ATE1: variants seen among roughly 807,000 people sequenced by gnomAD.
ATE1 encodes arginyl-tRNA--protein transferase 1.
A neutral mutation model predicts 70.5 loss-of-function variants in ATE1; 36 were observed. The observed-to-expected ratio is 0.51, with a 90% confidence interval of 0.39 to 0.67. The LOEUF is 0.67. Among genes scored for constraint, ATE1 ranks in the 30% least tolerant of loss-of-function variants. The pLI is 0.00. For missense variants in ATE1, 593 were observed against 629.5 expected (o/e 0.94, Z 0.62); for synonymous variants, 232 against 219.3 (o/e 1.06, Z -0.51).
chr10:121,892,579 T>C, intron 7 of ATE1, among the ~76,000 whole-genome samples: 1 of 150,236 alleles, frequency 6.7e-6, no homozygotes, highest in Non-Finnish European at 1.5e-5. Flanking sequence ...CCATCTCGGC[T>C]CACTGCAACC....
chr10:121,890,153 A>G (rs1416667831), intron 7 of ATE1, among the ~76,000 whole-genome samples: 4 of 152,240 alleles, frequency 2.6e-5, no homozygotes, highest in Non-Finnish European at 4.4e-5. Context: ...AAAGAAGTCA[A>G]TATTACAGAA....
intron 11 of ATE1, among the ~76,000 whole-genome samples, chr10:121,787,605 T>C (rs1452641351): frequency 6.6e-6 from 1 of 152,234 alleles, no homozygotes; most frequent in East Asian, 1.9e-4. Flanking sequence ...GAAATTTACT[T>C]CTTTCTAAAT....
upstream of ATE1, chr10:121,928,148 C>G: frequency 7.9e-7 from 1 of 1,267,856 alleles, no homozygotes; most frequent in Non-Finnish European, 9.9e-7. Context: ...CAGCTTTCCA[C>G]TATTTCCGTT....
chr10:121,824,495 C>T (rs1947928237), intron 10 of ATE1, among the ~76,000 whole-genome samples: 1 of 152,112 alleles, frequency 6.6e-6, no homozygotes, highest in Non-Finnish European at 1.5e-5. Flanking sequence ...AATAGTAAGG[C>T]CAAGCACCTA....
chr10:121,871,606 C>T (rs1017604446), intron 7 of ATE1, among the ~76,000 whole-genome samples: 1 of 152,028 alleles, frequency 6.6e-6, no homozygotes, highest in Non-Finnish European at 1.5e-5. Flanking sequence ...ATCACATACT[C>T]CCACCAAAAA....
chr10:121,873,293 T>A (rs1030145603), intron 7 of ATE1, among the ~76,000 whole-genome samples: 3 of 152,108 alleles, frequency 2.0e-5, no homozygotes, highest in Non-Finnish European at 4.4e-5. Flanking sequence ...AATCCAGGCA[T>A]AAAAGGCATC....
chr10:121,817,712 A>C (rs951478476), intron 10 of ATE1, among the ~76,000 whole-genome samples: 1 of 152,148 alleles, frequency 6.6e-6, no homozygotes, highest in Non-Finnish European at 1.5e-5. Flanking sequence ...ACCTGAGATG[A>C]ATCTTGTAAG....
At chr10:121,860,503 G>T (rs974513178) in intron 8 of ATE1, among the ~76,000 whole-genome samples, 2 of 152,164 alleles carry the variant, frequency 1.3e-5, no homozygotes, top group South Asian at 2.1e-4. Context: ...ATGTTTCCAT[G>T]AAAGCAAAAA....
intron 10 of ATE1, among the ~76,000 whole-genome samples, chr10:121,819,392 C>T (rs12263310): frequency 6.6e-6 from 1 of 152,084 alleles, no homozygotes; most frequent in Non-Finnish European, 1.5e-5. Flanking sequence ...TATACATGGG[C>T]TCATAAAAAC....
chr10:121,775,473 T>TA (rs1185476318), intron 11 of ATE1, among the ~76,000 whole-genome samples: 1 of 151,860 alleles, frequency 6.6e-6, no homozygotes, highest in Non-Finnish European at 1.5e-5. Context: ...AACTTAAAGT[T>TA]AAAAAACAAC....
chr10:121,852,835 T>A (rs1457537859), intron 8 of ATE1, among the ~76,000 whole-genome samples: 1 of 152,046 alleles, frequency 6.6e-6, no homozygotes, highest in Non-Finnish European at 1.5e-5. Context: ...AATGAAAAAG[T>A]AATAAATTTG....
chr10:121,804,604 T>C (rs961625402), intron 10 of ATE1, among the ~76,000 whole-genome samples: 9 of 152,186 alleles, frequency 5.9e-5, no homozygotes, highest in Non-Finnish European at 1.2e-4. Flanking sequence ...GTTTGGAGCA[T>C]TGAGTATGTT....
Position 121,858,669 on chromosome 10 carries a change from T to TAATATATATTTTATATATATAA in ATE1, c.975+11336_975+11337insTTATATATATAAAATATATATT, listed in dbSNP as rs1417290915. Among the ~76,000 whole-genome samples, 3 of 137,518 alleles carry TAATATATATTTTATATATATAA rather than the reference T, an allele frequency of 2.2e-5. No individual in the cohort carries two copies. In the East Asian group the frequency reaches 5.9e-4, roughly 27 times the overall value. The allele number at this position is 137,518 out of a possible 152,430, so 90.2% of individuals were successfully genotyped here. ...ATATTTTATACATATAATATATATA[T>TAATATATATTTTATATATATAA]AATATATATATTTTTATATATTATA... is the stretch of plus-strand genomic sequence containing the variant. On this transcript the variant is annotated intron_variant, in intron 8 of 11. Coordinates refer to ENST00000224652, the MANE Select transcript of ATE1 (RefSeq NM_001001976.3).
chr10:121,779,027 G>T (rs1945868243), intron 11 of ATE1, among the ~76,000 whole-genome samples: 1 of 152,064 alleles, frequency 6.6e-6, no homozygotes, highest in African/African-American at 2.4e-5. Flanking sequence ...TCATACCTCT[G>T]AAATAGTAAA....
chr10:121,912,667 G>A (rs1326040655), intron 4 of ATE1, among the ~76,000 whole-genome samples: 9 of 151,344 alleles, frequency 5.9e-5, no homozygotes, highest in African/African-American at 1.9e-4. Flanking sequence ...ATAAAAGAAA[G>A]GCAACCACCA....
chr10:121,920,016 G>A (rs1185244123), intron 3 of ATE1, among the ~76,000 whole-genome samples: 3 of 152,112 alleles, frequency 2.0e-5, no homozygotes, highest in African/African-American at 7.2e-5. Flanking sequence ...GAGCAACCAA[G>A]GGAGACAGCT....
chr10:121,848,393 G>C (rs186411429), intron 8 of ATE1, among the ~76,000 whole-genome samples: 1 of 152,010 alleles, frequency 6.6e-6, no homozygotes, highest in East Asian at 1.9e-4. Context: ...GAGGCAGGCC[G>C]ATCATTTGAG....
intron 11 of ATE1, among the ~76,000 whole-genome samples, chr10:121,748,412 A>C (rs1260453410): frequency 6.6e-6 from 1 of 152,186 alleles, no homozygotes; most frequent in East Asian, 1.9e-4. Flanking sequence ...CATTTGTCAA[A>C]ATATAGACTT....
intron 7 of ATE1, among the ~76,000 whole-genome samples, chr10:121,876,705 G>A (rs1490397230): frequency 2.0e-5 from 3 of 152,108 alleles, no homozygotes; most frequent in Admixed American, 6.5e-5. Flanking sequence ...GGTGGCTCAC[G>A]CCTGTAATCC....
Sources: allele counts gnomAD v4.1 joint callset (sites outside exome capture counted in the v4.1 genomes callset), GRCh38; gene constraint gnomAD v4.1.1; transcripts MANE v1.5; gene names NCBI Gene and HGNC (gene_info 2026-07-23, HGNC 2026-07-21).